MYCT1: variants seen among roughly 807,000 people sequenced by gnomAD.
MYCT1 encodes the protein MYC target 1, also known as myc target protein 1.
In MYCT1, 12 loss-of-function variants were observed where a neutral mutation model predicts 15.0. The observed-to-expected ratio is 0.80, with a 90% CI of 0.51 to 1.29. The LOEUF is 1.29. Among genes scored for constraint, MYCT1 ranks in the 50% most tolerant of loss-of-function variants. The pLI, the probability that MYCT1 is intolerant of heterozygous loss-of-function variation, is 0.00. For missense variants in MYCT1, 287 were observed against 279.1 expected, an observed-to-expected ratio of 1.03 and a Z score of -0.20; for synonymous variants, 104 against 102.7, an observed-to-expected ratio of 1.01 and a Z score of -0.07.
In MYCT1 at chr6:152,698,028, T is replaced by C. The variant is rs1239249120; in HGVS notation, c.126T>C (p.Leu42=). Residue 42 remains leucine (L), a synonymous_variant, in exon 1 of 2, where the codon CTT becomes CTC. Transcript: ENST00000367245. The part of the protein sequence containing the change: ...LVFLSVFLLF[L]LFLVDIMANN... Reference sequence around the variant, plus strand: ...TTCTTTCTGTTTTTCTTCTCTTTCTTCTATTTCTTGTGGATATTATGGCTA... The same window carrying C: ...TTCTTTCTGTTTTTCTTCTCTTTCTCCTATTTCTTGTGGATATTATGGCTA... The C allele has an allele frequency of 6.2e-7, 1 of 1,611,302 alleles. No homozygotes were observed. The highest frequency in any genetic ancestry group is 8.5e-7 in the Non-Finnish European group (1 of 1,178,952).
intron 1 of MYCT1, among the ~76,000 whole-genome samples, chr6:152,719,303 AT>A (rs371308227): frequency 6.6e-6 from 1 of 152,186 alleles, no homozygotes; most frequent in Admixed American, 6.6e-5. Context: ...GAATCGACCA[AT>A]TTTTATGCAA....
chr6:152,724,665 C>T (rs2099725322), downstream of MYCT1: 1 of 152,036 alleles, frequency 6.6e-6, no homozygotes, highest in Admixed American at 6.5e-5. Flanking sequence ...CAGGAAAACA[C>T]ATTAGATGGA....
At chr6:152,735,723 T>C in the MYCT1 span, among the ~76,000 whole-genome samples, 3 of 152,142 alleles carry the variant, frequency 2.0e-5, no homozygotes, top group Non-Finnish European at 4.4e-5. Context: ...TAAAGTATTA[T>C]AACATTTTGA....
At chr6:152,714,409 A>C (rs2099723282) in intron 1 of MYCT1, among the ~76,000 whole-genome samples, 1 of 146,462 alleles carries the variant, frequency 6.8e-6, no homozygotes, top group Admixed American at 6.9e-5. Context: ...CTAGCTTCTT[A>C]ATATGGAAAC....
At chr6:152,739,162 G>A in the MYCT1 span, among the ~76,000 whole-genome samples, 2 of 151,126 alleles carry the variant, frequency 1.3e-5, no homozygotes, top group African/African-American at 4.9e-5. Flanking sequence ...CACTAGAATT[G>A]GTTTCTTCGT....
At chr6:152,721,665 A>G in intron 1 of MYCT1, 77 bp from the exon 2 acceptor site, 2 of 1,292,924 alleles carry the variant, frequency 1.5e-6, no homozygotes, top group Non-Finnish European at 2.1e-6. Context: ...TTTGAATTAC[A>G]GTATATATGC....
chr6:152,715,772 T>A (rs1468193298), intron 1 of MYCT1, among the ~76,000 whole-genome samples: 1 of 152,098 alleles, frequency 6.6e-6, no homozygotes, highest in African/African-American at 2.4e-5. Context: ...TAGGAATAGA[T>A]TACAACCAGG....
chr6:152,715,883 G>A (rs2099723567), intron 1 of MYCT1, among the ~76,000 whole-genome samples: 1 of 152,166 alleles, frequency 6.6e-6, no homozygotes, highest in Admixed American at 6.5e-5. Context: ...GAGTAGAGGA[G>A]ATGGGCTCAG....
chr6:152,737,720 A>T, the MYCT1 span, among the ~76,000 whole-genome samples: 1 of 152,128 alleles, frequency 6.6e-6, no homozygotes, highest in Non-Finnish European at 1.5e-5. Context: ...ATTTACTACT[A>T]GAAATCAGTA....
At chr6:152,739,468 G>A in the MYCT1 span, among the ~76,000 whole-genome samples, 5 of 151,878 alleles carry the variant, frequency 3.3e-5, no homozygotes, top group Admixed American at 6.5e-5. Context: ...CACATTGCCA[G>A]CAAAGAATGA....
At chr6:152,716,209 G>C (rs1281508018) in intron 1 of MYCT1, among the ~76,000 whole-genome samples, 2 of 152,066 alleles carry the variant, frequency 1.3e-5, no homozygotes, top group Non-Finnish European at 2.9e-5. Flanking sequence ...AGATGTTCTG[G>C]CACATGAGAT....
At chr6:152,720,316 C>T (rs1238001179) in intron 1 of MYCT1, among the ~76,000 whole-genome samples, 2 of 151,966 alleles carry the variant, frequency 1.3e-5, no homozygotes, top group Non-Finnish European at 2.9e-5. Flanking sequence ...GCTTCAATTC[C>T]ATTGCATCCT....
downstream of MYCT1, among the ~76,000 whole-genome samples, chr6:152,727,318 A>C (rs934047389): frequency 3.3e-5 from 5 of 152,198 alleles, no homozygotes; most frequent in South Asian, 2.1e-4. Flanking sequence ...CCCTGCAAAA[A>C]ATATTTGTCC....
At position 152,697,978 on chromosome 6, in the gene MYCT1, C is replaced by A; in HGVS notation, c.76C>A (p.Leu26Met). 1 of 1,608,536 alleles carries A rather than the reference C, an allele frequency of 6.2e-7. No individual in the cohort carries two copies. The highest frequency in any genetic ancestry group is 8.5e-7 in the Non-Finnish European group (1 of 1,177,810). The stretch of plus-strand genomic sequence containing the variant: ...TGTACTACAAAGAGATAGAATCAAA[C>A]TGCTTTTTTTCGACATACTGGTTTT... ...LAVLQRDRIK[L>M]LFFDILVFLS... is the part of the protein sequence containing the mutation. Residue 26 changes from leucine to methionine, a missense_variant, in exon 1 of 2, where the codon CTG becomes ATG. Coordinates refer to ENST00000367245, the MANE Select transcript of MYCT1 (RefSeq NM_025107.3).
intron 1 of MYCT1, among the ~76,000 whole-genome samples, chr6:152,716,559 A>G (rs533210927): frequency 3.7e-4 from 56 of 152,300 alleles, no homozygotes; most frequent in African/African-American, 1.3e-3. Flanking sequence ...TGAGGTATTG[A>G]TTATATTTAC....
chr6:152,743,332 C>T, the MYCT1 span, among the ~76,000 whole-genome samples: 1 of 152,244 alleles, frequency 6.6e-6, no homozygotes, highest in South Asian at 2.1e-4. Flanking sequence ...TCTCAAAGTG[C>T]TGGGATTATA....
At chr6:152,713,095 A>G (rs377340927) in intron 1 of MYCT1, among the ~76,000 whole-genome samples, 7 of 151,878 alleles carry the variant, frequency 4.6e-5, no homozygotes, top group African/African-American at 1.7e-4. Flanking sequence ...TTTTCCCCCC[A>G]ATATTTTTCT....
Position 152,722,056 on chromosome 6 carries a change from C to T in MYCT1, c.511C>T (p.Leu171=). 3 of 1,614,148 alleles carry T rather than the reference C, an allele frequency of 1.9e-6. No individual in the cohort carries two copies. Among genetic ancestry groups the T allele is most frequent in the East Asian group, 2.2e-5 (1 of 44,872 alleles). ...SFRASTFHPF[L]QCPPLPVETE... Reference sequence around the variant, plus strand: ...CAGAGCTTCTACTTTCCATCCCTTTCTGCAATGTCCACCACTTCCTGTGGA... The same window carrying T: ...CAGAGCTTCTACTTTCCATCCCTTTTTGCAATGTCCACCACTTCCTGTGGA... Residue 171 remains leucine (L), a synonymous_variant, in exon 2 of 2, where the codon CTG becomes TTG. Transcript: ENST00000367245.
the MYCT1 span, among the ~76,000 whole-genome samples, chr6:152,744,311 G>A: frequency 1.3e-5 from 2 of 152,128 alleles, no homozygotes; most frequent in Non-Finnish European, 2.9e-5. Context: ...TATTTTAAGA[G>A]TTCTTCCAAC....
Sources: allele counts gnomAD v4.1 joint callset (sites outside exome capture counted in the v4.1 genomes callset), GRCh38; gene constraint gnomAD v4.1.1; transcripts MANE v1.5; gene names NCBI Gene and HGNC (gene_info 2026-07-23, HGNC 2026-07-21).